The following SCUBE1 variants were observed in gnomAD, a reference collection of about 807,000 sequenced individuals.
The protein encoded by SCUBE1 is signal peptide, CUB and EGF-like domain-containing protein 1.
Under a neutral mutation model 124.4 loss-of-function variants are expected in SCUBE1, and 59 were observed. The observed-to-expected ratio is 0.47, with a 90% CI of 0.38 to 0.59. The LOEUF (loss-of-function observed/expected upper bound fraction) is 0.59, where lower values mean the gene tolerates loss of function less well. SCUBE1 is among the 20% of genes least tolerant of loss of function. SCUBE1 has a pLI of 0.00. For missense variants in SCUBE1, 1,150 were observed against 1,371.2 expected (o/e 0.84, Z 2.55); for synonymous variants, 545 against 550.9 (o/e 0.99, Z 0.15).
Position 43,238,918 on chromosome 22 carries a change from G to A in SCUBE1, c.764C>T (p.Thr255Ile). Residue 255 changes from threonine (T) to isoleucine (I), a missense_variant, in exon 7 of 22, where the codon ACA becomes ATA. Physicochemically the swap from Thr to Ile is moderately conservative, Grantham distance 89. Coordinates refer to ENST00000360835, the MANE Select transcript of SCUBE1 (RefSeq NM_173050.5). ...CACGCCAGTGGCTGTGTCCTTGCAT[G>A]TCCGGTCGCAGCCTCCGTTATTGAC... Reference protein sequence around the residue: ...CAVNNGGCDRTCKDTATGVRC... With the variant: ...CAVNNGGCDRICKDTATGVRC... 1 of 1,613,112 alleles carries A rather than the reference G, an allele frequency of 6.2e-7. No homozygotes were observed.
intron 3 of SCUBE1, chr22:43,318,101 A>G (rs1926413611): frequency 6.6e-6 from 1 of 152,224 alleles, no homozygotes; most frequent in African/African-American, 2.4e-5. Context: ...CATTTCTGTT[A>G]TTTAAGCCCT....
intron 3 of SCUBE1, among the ~76,000 whole-genome samples, chr22:43,291,845 G>A (rs139378283): frequency 6.6e-6 from 1 of 152,284 alleles, no homozygotes; most frequent in African/African-American, 2.4e-5. Flanking sequence ...TCAGATCCAG[G>A]TACCAGTCCA....
Position 43,238,789 on chromosome 22 carries a change from T to C in SCUBE1, c.844+49A>G, listed in dbSNP as rs779737697. On this transcript the variant is annotated intron_variant, in intron 7 of 21. Transcript: ENST00000360835. ...GGCTATGCAAGCACACGGAGGCTCT[T>C]GGCCAGGCCAGTACAGGCAGGGGCA... 4.0e-5 allele frequency: 59 copies of C among 1,484,650 alleles called. No homozygotes were observed. In the East Asian group the frequency reaches 5.6e-4, roughly 14 times the overall value. 92.0% of individuals were successfully genotyped at this position (1,484,650 alleles called of 1,614,324 possible). A position where few individuals can be genotyped will look rare whatever the true frequency, so the allele number is the denominator to read the frequency against.
At chr22:43,296,336 G>A (rs1243444250) in intron 3 of SCUBE1, among the ~76,000 whole-genome samples, 1 of 152,206 alleles carries the variant, frequency 6.6e-6, no homozygotes, top group African/African-American at 2.4e-5. Context: ...CCCCTGAGTG[G>A]GCCTGTTTCC....
intron 6 of SCUBE1, among the ~76,000 whole-genome samples, chr22:43,254,776 A>G (rs2146703009): frequency 6.6e-6 from 1 of 152,380 alleles, no homozygotes; most frequent in African/African-American, 2.4e-5. Context: ...AAAACAGCAG[A>G]ACCGACTGAT....
In SCUBE1 at chr22:43,339,097, G is replaced by C; in HGVS notation, c.220+7C>G. ...GGGTCTGCCCGGGAGGGCCGGGCTGGACTCACCTTCACACTGCTTGCCTTC... is the reference window on the plus strand; with the variant it reads ...GGGTCTGCCCGGGAGGGCCGGGCTGCACTCACCTTCACACTGCTTGCCTTC... On this transcript the variant is annotated splice_region_variant and intron_variant, in intron 2 of 21. Transcript: ENST00000360835. 1 of 1,613,514 alleles carries C rather than the reference G, an allele frequency of 6.2e-7. No individual in the cohort carries two copies. The highest frequency in any genetic ancestry group is 8.5e-7 in the Non-Finnish European group (1 of 1,179,606).
At position 43,277,463 on chromosome 22, in the gene SCUBE1, C is replaced by T. The variant is rs181235461; in HGVS notation, c.484+13583G>A. ...CAGCCCTAGGCAGAGGGCAGCATGG[C>T]GAGACAGGGGCTCCTTGTGTCACAG... On this transcript the variant is annotated intron_variant, in intron 4 of 21. Coordinates refer to ENST00000360835, the MANE Select transcript of SCUBE1 (RefSeq NM_173050.5). Among the ~76,000 whole-genome samples, 17 of 152,274 alleles carry T rather than the reference C, an allele frequency of 1.1e-4. No individual in the cohort carries two copies. In the East Asian group the frequency reaches 1.2e-3, roughly 10 times the overall value.
At chr22:43,343,109 G>A (rs1285245671) in intron 1 of SCUBE1, 65 bp downstream of exon 1, 54 of 815,970 alleles carry the variant, frequency 6.6e-5, no homozygotes, top group Non-Finnish European at 8.0e-5. Flanking sequence ...GAAGCCCTCC[G>A]GGACCGCGCC....
intron 4 of SCUBE1, among the ~76,000 whole-genome samples, chr22:43,290,674 G>A (rs955362760): frequency 1.6e-4 from 25 of 152,228 alleles, no homozygotes; most frequent in Non-Finnish European, 1.5e-4. Flanking sequence ...AGACAGAGAA[G>A]TTGGCACACA....
intron 4 of SCUBE1, among the ~76,000 whole-genome samples, chr22:43,267,521 T>C (rs1208953470): frequency 6.6e-6 from 1 of 152,160 alleles, no homozygotes; most frequent in Non-Finnish European, 1.5e-5. Flanking sequence ...TGATAAAGGC[T>C]CTGAGAAGTC....
At chr22:43,272,745 T>C (rs1448183392) in intron 4 of SCUBE1, among the ~76,000 whole-genome samples, 4 of 152,284 alleles carry the variant, frequency 2.6e-5, no homozygotes, top group South Asian at 4.2e-4. Flanking sequence ...CCGAGAGAAA[T>C]TGTCCTGCTT....
chr22:43,249,547 G>A (rs565394275), intron 6 of SCUBE1, among the ~76,000 whole-genome samples: 148 of 152,296 alleles, frequency 9.7e-4, no homozygotes, highest in Non-Finnish European at 1.7e-3. Flanking sequence ...CAGCCTCCCT[G>A]CCTGCTTTTC....
chr22:43,264,878 C>G (rs553550207), intron 4 of SCUBE1, among the ~76,000 whole-genome samples: 1 of 152,244 alleles, frequency 6.6e-6, no homozygotes, highest in Admixed American at 6.5e-5. Flanking sequence ...CCAAAGCCTC[C>G]TGGCTCCTGC....
At chr22:43,314,520 G>A (rs1334076416) in intron 3 of SCUBE1, among the ~76,000 whole-genome samples, 1 of 152,116 alleles carries the variant, frequency 6.6e-6, no homozygotes, top group African/African-American at 2.4e-5. Context: ...GGGGTCCACA[G>A]GGGAGTCATG....
chr22:43,261,843 A>C (rs1923883005), intron 5 of SCUBE1, among the ~76,000 whole-genome samples: 1 of 152,236 alleles, frequency 6.6e-6, no homozygotes, highest in Non-Finnish European at 1.5e-5. Flanking sequence ...CAAATATGAC[A>C]TCGCTTTGGG....
intron 8 of SCUBE1, among the ~76,000 whole-genome samples, chr22:43,229,982 A>G (rs545726051): frequency 6.6e-6 from 1 of 152,348 alleles, no homozygotes; most frequent in Admixed American, 6.5e-5. Flanking sequence ...CTTTGAAAAC[A>G]TTAGCTCATG....
At chr22:43,262,353 C>T (rs1272771078) in intron 5 of SCUBE1, among the ~76,000 whole-genome samples, 2 of 152,210 alleles carry the variant, frequency 1.3e-5, no homozygotes, top group Non-Finnish European at 2.9e-5. Flanking sequence ...ATACTCTTTT[C>T]CTTCTTTGTA....
chr22:43,296,374 C>T (rs1569018677), intron 3 of SCUBE1, among the ~76,000 whole-genome samples: 1 of 152,184 alleles, frequency 6.6e-6, no homozygotes, highest in Non-Finnish European at 1.5e-5. Flanking sequence ...CCCTGGGCGG[C>T]TCTAGGAGGG....
chr22:43,240,689 C>T (rs541111324), intron 6 of SCUBE1, among the ~76,000 whole-genome samples: 4 of 152,306 alleles, frequency 2.6e-5, no homozygotes, highest in South Asian at 4.1e-4. Flanking sequence ...CAAATCAACC[C>T]GCTTACAAGG....
Sources: allele counts gnomAD v4.1 joint callset (sites outside exome capture counted in the v4.1 genomes callset), GRCh38; gene constraint gnomAD v4.1.1; transcripts MANE v1.5; gene names NCBI Gene and HGNC (gene_info 2026-07-23, HGNC 2026-07-21).